Variants in PDE4B observed in about 807,000 individuals in gnomAD.
PDE4B encodes the protein 3',5'-cyclic-AMP phosphodiesterase 4B.
Under a neutral mutation model 82.2 loss-of-function variants are expected in PDE4B, and 20 were observed. That is an observed-to-expected ratio of 0.24 (90% CI 0.17 to 0.35). PDE4B has a LOEUF of 0.35. Ranked by LOEUF, PDE4B falls within the 10% of genes least tolerant of loss-of-function variation. The pLI, the probability that PDE4B is intolerant of heterozygous loss-of-function variation, is 1.00. For synonymous variants in PDE4B, 320 were observed against 318.9 expected, an observed-to-expected ratio of 1.00 and a Z score of -0.04; for missense variants, 655 against 907.2, an observed-to-expected ratio of 0.72 and a Z score of 3.57.
rs138794023 is a variant in PDE4B, at chr1:66,257,053, G to A, written c.477-594G>A. On this transcript the variant is annotated intron_variant, in intron 4 of 16. Coordinates refer to ENST00000341517, the MANE Select transcript of PDE4B (RefSeq NM_002600.4). The stretch of plus-strand genomic sequence containing the variant: ...CTTAATCTGTTCTTTGGGACAAAAT[G>A]GAGTGACAATGGTATGATTATGGCA... Among the ~76,000 whole-genome samples the A allele has an allele frequency of 1.3e-3, 191 of 152,256 alleles. 1 individual carries two copies. Among genetic ancestry groups the A allele is most frequent in the African/African-American group, 4.3e-3 (178 of 41,558 alleles).
intron 3 of PDE4B, among the ~76,000 whole-genome samples, chr1:66,230,833 G>T (rs1355098084): frequency 1.3e-5 from 2 of 152,108 alleles, no homozygotes; most frequent in Admixed American, 6.6e-5. Context: ...AGATCACGAG[G>T]TCAGGAGTTT....
intron 1 of PDE4B, among the ~76,000 whole-genome samples, chr1:65,873,324 C>T (rs531080957): frequency 2.6e-5 from 4 of 152,172 alleles, no homozygotes; most frequent in African/African-American, 4.8e-5. Flanking sequence ...AGCAATGAAA[C>T]GTGACGGGAA....
At chr1:66,174,521 G>T (rs61798171) in intron 3 of PDE4B, among the ~76,000 whole-genome samples, 4,552 of 152,198 alleles carry the variant, frequency 0.03, 101 homozygotes, top group South Asian at 0.05. Context: ...ACTTTAGGAG[G>T]CCGAGGCGGG....
At chr1:66,189,089 A>T (rs1422568764) in intron 3 of PDE4B, among the ~76,000 whole-genome samples, 2 of 151,660 alleles carry the variant, frequency 1.3e-5, no homozygotes, top group African/African-American at 4.8e-5. Flanking sequence ...TCCTTCACTT[A>T]TGAAGCTTAG....
chr1:65,863,517 G>C (rs1011077369), intron 1 of PDE4B, among the ~76,000 whole-genome samples: 1 of 152,168 alleles, frequency 6.6e-6, no homozygotes, highest in Non-Finnish European at 1.5e-5. Flanking sequence ...ATGTGTATTA[G>C]ATATGCTTCT....
At chr1:66,283,446 G>A (rs1656436493) in intron 7 of PDE4B, among the ~76,000 whole-genome samples, 1 of 152,022 alleles carries the variant, frequency 6.6e-6, no homozygotes, top group Non-Finnish European at 1.5e-5. Flanking sequence ...ACTGGGTCTT[G>A]TTTGCTGGCA....
chr1:66,055,044 A>G (rs966065885), intron 3 of PDE4B, among the ~76,000 whole-genome samples: 9 of 152,192 alleles, frequency 5.9e-5, no homozygotes, highest in African/African-American at 1.9e-4. Flanking sequence ...GATTTAGATG[A>G]GCATCAGTAA....
chr1:65,968,431 T>C (rs577420010), intron 3 of PDE4B, among the ~76,000 whole-genome samples: 1 of 152,092 alleles, frequency 6.6e-6, no homozygotes. Flanking sequence ...GCACACACAG[T>C]CCCTGGCCTT....
chr1:65,928,785 G>A (rs1647663618), intron 3 of PDE4B, among the ~76,000 whole-genome samples: 2 of 152,118 alleles, frequency 1.3e-5, no homozygotes, highest in African/African-American at 2.4e-5. Context: ...TTAAACCAAG[G>A]GAGATCAGGC....
Position 66,372,999 on chromosome 1 carries a change from C to T in PDE4B, c.*321C>T. 1 of 247,004 alleles carries T rather than the reference C, an allele frequency of 4.0e-6. No homozygotes were observed. Among genetic ancestry groups the T allele is most frequent in the African/African-American group, 2.2e-5 (1 of 45,792 alleles). The allele number at this position is 247,004 out of a possible 1,614,324, so 15.3% of individuals were successfully genotyped here. A position where few individuals can be genotyped will look rare whatever the true frequency, so the allele number is the denominator to read the frequency against. ...CTGCACTAAGTTTCGGGAACTTATCCCCGACAGTGACTGAACTCACTGACT... is the reference window on the plus strand; with the variant it reads ...CTGCACTAAGTTTCGGGAACTTATCTCCGACAGTGACTGAACTCACTGACT... On this transcript the variant is annotated 3_prime_UTR_variant, in exon 17 of 17. Coordinates refer to ENST00000341517, the MANE Select transcript of PDE4B (RefSeq NM_002600.4).
chr1:66,179,655 A>G (rs79295560), intron 3 of PDE4B, among the ~76,000 whole-genome samples: 4,712 of 152,304 alleles, frequency 0.031, 248 homozygotes, highest in African/African-American at 0.11. Context: ...CAGGACATTC[A>G]GGTCATTTGA....
chr1:65,798,899 T>C (rs1557753153), intron 1 of PDE4B, among the ~76,000 whole-genome samples: 1 of 152,250 alleles, frequency 6.6e-6, no homozygotes, highest in Non-Finnish European at 1.5e-5. Flanking sequence ...GTTTACTCTA[T>C]GGAACATTTT....
intron 3 of PDE4B, among the ~76,000 whole-genome samples, chr1:66,240,683 G>A (rs947469923): frequency 3.3e-5 from 5 of 152,266 alleles, no homozygotes; most frequent in Admixed American, 2.6e-4. Flanking sequence ...GTATTCTCAG[G>A]CGGAGAACAG....
chr1:65,897,556 G>A (rs1646924873), intron 1 of PDE4B, among the ~76,000 whole-genome samples: 1 of 151,910 alleles, frequency 6.6e-6, no homozygotes, highest in Admixed American at 6.6e-5. Context: ...CCAATGCTTA[G>A]CTCCCACTTG....
intron 1 of PDE4B, among the ~76,000 whole-genome samples, chr1:65,888,381 G>T (rs1646815476): frequency 6.6e-6 from 1 of 152,154 alleles, no homozygotes; most frequent in Admixed American, 6.6e-5. Context: ...CAGGTAATGT[G>T]GTGCCTCCAG....
At chr1:66,046,678 G>A (rs900253497) in intron 3 of PDE4B, among the ~76,000 whole-genome samples, 10 of 151,768 alleles carry the variant, frequency 6.6e-5, no homozygotes, top group Admixed American at 2.0e-4. Flanking sequence ...TGAATTATCG[G>A]GAATTACATG....
chr1:66,170,677 A>C (rs191106190), intron 3 of PDE4B, among the ~76,000 whole-genome samples: 19 of 152,266 alleles, frequency 1.2e-4, no homozygotes, highest in Admixed American at 5.2e-4. Flanking sequence ...TTTTAGAGCT[A>C]TCAGAGAGAT....
chr1:66,347,946 G>C (rs1296302176), intron 8 of PDE4B, among the ~76,000 whole-genome samples: 1 of 152,150 alleles, frequency 6.6e-6, no homozygotes, highest in Non-Finnish European at 1.5e-5. Flanking sequence ...TATAATATTT[G>C]AGTGGTAGTT....
intron 3 of PDE4B, among the ~76,000 whole-genome samples, chr1:65,977,940 T>C (rs1474812726): frequency 1.3e-5 from 2 of 152,200 alleles, no homozygotes; most frequent in African/African-American, 4.8e-5. Flanking sequence ...TTTTACATCC[T>C]GCAAAGGAGT....
Sources: gnomAD v4.1 joint callset for allele counts (sites outside exome capture counted in the v4.1 genomes callset) on GRCh38, gnomAD v4.1.1 for gene constraint, MANE v1.5 for transcripts, NCBI Gene and HGNC (gene_info 2026-07-23, HGNC 2026-07-21) for gene names.